The following IL17RA variants were observed in gnomAD, a reference collection of about 807,000 sequenced individuals.
IL17RA encodes interleukin 17 receptor A.
A neutral mutation model predicts 50.4 loss-of-function variants in IL17RA; 34 were observed. That is an observed-to-expected ratio of 0.67 (90% CI 0.51 to 0.90). The LOEUF is 0.90. Among genes scored for constraint, IL17RA ranks in the 40% least tolerant of loss-of-function variants. The pLI, the probability that IL17RA is intolerant of heterozygous loss-of-function variation, is 0.00. For synonymous variants in IL17RA, 585 were observed against 510.4 expected, an observed-to-expected ratio of 1.15 and a Z score of -1.97; for missense variants, 1,276 against 1,169.8, an observed-to-expected ratio of 1.09 and a Z score of -1.32.
chr22:17,085,126 CG>C lies in IL17RA; in HGVS notation c.39del (p.Leu15CysfsTer34). 5 of 1,459,528 alleles carry C rather than the reference CG, an allele frequency of 3.4e-6. No homozygotes were observed. Among genetic ancestry groups the C allele is most frequent in the East Asian group, 2.9e-5 (1 of 34,342 alleles). 90.4% of individuals were successfully genotyped at this position (1,459,528 alleles called of 1,614,324 possible). A position where few individuals can be genotyped will look rare whatever the true frequency, so the allele number is the denominator to read the frequency against. On this transcript the variant is annotated frameshift_variant, in exon 1 of 13. Coordinates refer to ENST00000319363, the MANE Select transcript of IL17RA (RefSeq NM_014339.7). LOFTEE classifies it high-confidence loss of function. Reference protein sequence around the residue: ...GAARSPPSAVPGPLLGLLLLL... With the variant: ...GAARSPPSAVXGPLLGLLLLL... ...GCACGCAGCCCGCCGTCCGCTGTCC[CG>C]GGGCCCCTGCTGGGGCTGCTCCTGC...
chr22:17,094,700 T>TATATATATATATATATATATAC (rs2061362354), intron 1 of IL17RA, among the ~76,000 whole-genome samples: 1 of 105,672 alleles, frequency 9.5e-6, no homozygotes, highest in African/African-American at 3.9e-5. Context: ...TCTATATATA[T>TATATATATATATATATATATAC]ATATATATAT....
At chr22:17,105,684 C>G in intron 10 of IL17RA, 82 bp downstream of exon 10, 2 of 1,536,536 alleles carry the variant, frequency 1.3e-6, no homozygotes, top group Non-Finnish European at 1.8e-6. Context: ...CCTGCCTCAG[C>G]CAGGCAGACA....
Position 17,108,810 on chromosome 22 carries a change from G to A in IL17RA, c.1591G>A (p.Glu531Lys), listed in dbSNP as rs1482097231. 6.2e-7 allele frequency: 1 copy of A among 1,607,638 alleles called. No homozygotes were observed. Among genetic ancestry groups the A allele is most frequent in the Admixed American group, 1.7e-5 (1 of 59,188 alleles). ...PRYPLMDRFE[E>K]VYFRIQDLEM... ...GTACCCGCTCATGGACAGGTTCGAGGAGGTGTACTTCCGCATCCAGGACCT... is the reference window on the plus strand; with the variant it reads ...GTACCCGCTCATGGACAGGTTCGAGAAGGTGTACTTCCGCATCCAGGACCT... Residue 531 changes from glutamate to lysine, a missense_variant, in exon 13 of 13, where the codon GAG (glutamate) becomes AAG (lysine). Physicochemically the swap from Glu to Lys is moderately conservative, Grantham distance 56. Transcript: ENST00000319363.
intron 12 of IL17RA, 42 bp from the exon 13 acceptor site, chr22:17,108,265 G>GC: frequency 6.2e-7 from 1 of 1,602,186 alleles, no homozygotes; most frequent in East Asian, 2.2e-5. Flanking sequence ...GCTGCCCTGG[G>GC]CCCTGGGGTG....
chr22:17,089,158 CTT>C (rs2061339136), intron 1 of IL17RA, among the ~76,000 whole-genome samples: 1 of 151,280 alleles, frequency 6.6e-6, no homozygotes, highest in Non-Finnish European at 1.5e-5. Context: ...GTCTCGAACT[CTT>C]TATCTGCCCA....
intron 1 of IL17RA, among the ~76,000 whole-genome samples, chr22:17,096,739 G>A (rs571970179): frequency 6.6e-5 from 10 of 152,028 alleles, no homozygotes; most frequent in Non-Finnish European, 1.3e-4. Flanking sequence ...GCGTGGTGGC[G>A]GGCGCCTGTA....
At chr22:17,091,865 A>C (rs1355941579) in intron 1 of IL17RA, among the ~76,000 whole-genome samples, 1 of 152,192 alleles carries the variant, frequency 6.6e-6, no homozygotes, top group African/African-American at 2.4e-5. Flanking sequence ...TAATTTGGCA[A>C]CGTGATACTG....
At chr22:17,104,331 G>A (rs2061404793) in intron 8 of IL17RA, among the ~76,000 whole-genome samples, 1 of 120,668 alleles carries the variant, frequency 8.3e-6, no homozygotes, top group Non-Finnish European at 1.8e-5. Context: ...GTGGCTGGGA[G>A]TGGGGAGCGT....
At position 17,097,765 on chromosome 22, in the gene IL17RA, GTC is replaced by G. The variant is rs1332170077; in HGVS notation, c.164-28_164-27del. On this transcript the variant is annotated intron_variant, in intron 2 of 12. Transcript: ENST00000319363. Reference sequence around the variant, plus strand: ...GGGCATCTCAGGGTCTCGGCTATAAGTCTCTGAATGTTGCTTTTCCCTGGCTG... The same window carrying G: ...GGGCATCTCAGGGTCTCGGCTATAAGTCTGAATGTTGCTTTTCCCTGGCTG... The G allele has an allele frequency of 8.7e-6, 14 of 1,613,608 alleles. No individual in the cohort carries two copies. The Admixed American group carries it at 2.0e-4, about 23-fold the overall frequency.
In IL17RA at chr22:17,108,633, G is replaced by A. The variant is rs765188580; in HGVS notation, c.1414G>A (p.Gly472Arg). Residue 472 changes from glycine to arginine, a missense_variant, in exon 13 of 13, where the codon GGA becomes AGA. Gly to Arg is a moderately radical substitution (Grantham distance 125, BLOSUM62 -2). Coordinates refer to ENST00000319363, the MANE Select transcript of IL17RA (RefSeq NM_014339.7). ...GAPVRLRCDHGKPVGDLFTAA... is the reference protein window; with the variant it reads ...GAPVRLRCDHRKPVGDLFTAA... The stretch of plus-strand genomic sequence containing the variant: ...GCCTGTGCGGCTGCGCTGCGACCAC[G>A]GAAAGCCCGTGGGGGACCTGTTCAC... 10 of 1,605,456 alleles carry A rather than the reference G, an allele frequency of 6.2e-6. No homozygotes were observed. The highest frequency in any genetic ancestry group is 3.3e-5 in the South Asian group (3 of 91,088).
chr22:17,099,771 G>A (rs966375149), intron 4 of IL17RA, among the ~76,000 whole-genome samples: 1 of 152,168 alleles, frequency 6.6e-6, no homozygotes, highest in Non-Finnish European at 1.5e-5. Context: ...TAGAATGGGG[G>A]TTGGAGTCGA....
chr22:17,094,977 G>A (rs367909416), intron 1 of IL17RA, among the ~76,000 whole-genome samples: 2 of 151,640 alleles, frequency 1.3e-5, no homozygotes, highest in East Asian at 3.9e-4. Flanking sequence ...CTCTATTGAT[G>A]ACCATTCAGT....
At chr22:17,107,853 G>A in intron 12 of IL17RA, 85 bp downstream of exon 12, 1 of 1,217,120 alleles carries the variant, frequency 8.2e-7, no homozygotes, top group Non-Finnish European at 1.2e-6. Context: ...CGCCTCCTGT[G>A]CTCTAACTCC....
rs1381116316 is a variant in IL17RA at position 17,115,649 on chromosome 22, C to T, written c.*5829C>T. On this transcript the variant is annotated 3_prime_UTR_variant, in exon 13 of 13. Coordinates refer to ENST00000319363, the MANE Select transcript of IL17RA (RefSeq NM_014339.7). ...TGCAGGCCCAGTGTTCTTGCTTAGACTTAATACTACCCTTCATGTTAAAAT... is the reference window on the plus strand; with the variant it reads ...TGCAGGCCCAGTGTTCTTGCTTAGATTTAATACTACCCTTCATGTTAAAAT... The T allele has an allele frequency of 6.6e-6, 1 of 152,072 alleles. No homozygotes were observed. The highest frequency in any genetic ancestry group is 1.5e-5 in the Non-Finnish European group (1 of 68,046). The allele number at this position is 152,072 out of a possible 1,614,324, so 9.4% of individuals were successfully genotyped here.
chr22:17,103,033 T>G, intron 7 of IL17RA, among the ~76,000 whole-genome samples: 1 of 152,020 alleles, frequency 6.6e-6, no homozygotes, highest in East Asian at 1.9e-4. Context: ...TCCCAGCAAT[T>G]TGGGAAACTG....
intron 1 of IL17RA, among the ~76,000 whole-genome samples, chr22:17,092,020 G>A (rs1215969226): frequency 6.6e-5 from 10 of 152,178 alleles, no homozygotes; most frequent in Non-Finnish European, 1.2e-4. Flanking sequence ...GGCTGGTCCC[G>A]GGAAGCAAGT....
chr22:17,089,365 T>C (rs2061339933), intron 1 of IL17RA, among the ~76,000 whole-genome samples: 1 of 152,150 alleles, frequency 6.6e-6, no homozygotes, highest in Admixed American at 6.5e-5. Flanking sequence ...ATCAGTACAA[T>C]TGGGATAAGG....
intron 1 of IL17RA, among the ~76,000 whole-genome samples, chr22:17,092,720 A>G (rs2061352206): frequency 1.9e-5 from 1 of 52,078 alleles, no homozygotes; most frequent in Non-Finnish European, 3.7e-5. Flanking sequence ...CTCTTCCAGA[A>G]TATTTTCTTT....
intron 1 of IL17RA, among the ~76,000 whole-genome samples, chr22:17,090,314 A>G (rs751536342): frequency 1.3e-5 from 2 of 152,190 alleles, no homozygotes; most frequent in Non-Finnish European, 2.9e-5. Context: ...GTGAGCCATG[A>G]AATTAAATTA....
Sources: gnomAD v4.1 joint callset for allele counts (sites outside exome capture counted in the v4.1 genomes callset) on GRCh38, gnomAD v4.1.1 for gene constraint, MANE v1.5 for transcripts, NCBI Gene and HGNC (gene_info 2026-07-23, HGNC 2026-07-21) for gene names.